Variants in DARS1 observed in about 807,000 individuals in gnomAD.
DARS1 encodes aspartate--tRNA ligase, cytoplasmic.
A neutral mutation model predicts 68.8 loss-of-function variants in DARS1; 51 were observed. The observed-to-expected ratio is 0.74, with a 90% CI of 0.59 to 0.94. DARS1 has a LOEUF of 0.94. Among genes scored for constraint, DARS1 ranks in the 40% least tolerant of loss-of-function variants. The probability of loss-of-function intolerance (pLI) is 0.00; values close to 1 mark genes in which losing one functional copy is unlikely to be tolerated. For missense variants in DARS1, 607 were observed against 597.3 expected (o/e 1.02, Z -0.17); for synonymous variants, 203 against 190.4 (o/e 1.07, Z -0.55).
At chr2:135,943,975 C>T (rs1281532102) in intron 4 of DARS1, among the ~76,000 whole-genome samples, 1 of 152,074 alleles carries the variant, frequency 6.6e-6, no homozygotes, top group Non-Finnish European at 1.5e-5. Flanking sequence ...TCCTCACTAC[C>T]TTTAGCTTCT....
chr2:135,985,135 C>G (rs1057371885), intron 1 of DARS1: 7 of 517,784 alleles, frequency 1.4e-5, no homozygotes, highest in African/African-American at 1.9e-5. Context: ...CTCCTACTTC[C>G]GGGGCGGCTG....
At chr2:135,910,946 T>G in intron 15 of DARS1, 193 bp downstream of exon 15, 1 of 487,666 alleles carries the variant, frequency 2.1e-6, no homozygotes, top group Non-Finnish European at 3.7e-6. Context: ...GGCTTCTAAA[T>G]TCTTAAGAGA....
intron 3 of DARS1, among the ~76,000 whole-genome samples, chr2:135,966,661 A>C (rs1020844684): frequency 3.9e-5 from 6 of 152,148 alleles, no homozygotes; most frequent in African/African-American, 1.4e-4. Flanking sequence ...TCTCTCGAGT[A>C]GCTGGGATTA....
At chr2:135,956,578 C>G (rs1364391360) in intron 4 of DARS1, among the ~76,000 whole-genome samples, 1 of 151,998 alleles carries the variant, frequency 6.6e-6, no homozygotes, top group Non-Finnish European at 1.5e-5. Flanking sequence ...GTAAAAAAGT[C>G]GAGGCTTACC....
rs1345901201 is a variant in DARS1, at chr2:135,911,214, CAA to C, written c.1343-6_1343-5del. 10 of 1,415,582 alleles carry C rather than the reference CAA, an allele frequency of 7.1e-6. No individual in the cohort carries two copies. The highest frequency in any genetic ancestry group is 1.0e-5 in the Non-Finnish European group (10 of 1,001,936). 87.7% of individuals were successfully genotyped at this position (1,415,582 alleles called of 1,614,324 possible). ...TAAGCCTTAATTTTCTCCAAATCTGCAAAAAGACACAAAACAAAATATAATTT... is the reference window on the plus strand; with the variant it reads ...TAAGCCTTAATTTTCTCCAAATCTGCAAAGACACAAAACAAAATATAATTT... On this transcript the variant is annotated splice_polypyrimidine_tract_variant and splice_region_variant and intron_variant, in intron 14 of 15. Transcript: ENST00000264161.
In DARS1 at chr2:135,924,358, A is replaced by G. The variant is rs914857484; in HGVS notation, c.676+29T>C. ...TCTGGGGAGAGCAAATTTATTTTTA[A>G]AAATTAAGAGAAATATTTTGAAGCA... On this transcript the variant is annotated intron_variant, in intron 8 of 15. Transcript: ENST00000264161. 4 of 1,555,866 alleles carry G rather than the reference A, an allele frequency of 2.6e-6. No homozygotes were observed. The African/African-American group carries it at 5.6e-5, about 22-fold the overall frequency.
At chr2:135,963,823 G>A (rs931597812) in intron 3 of DARS1, among the ~76,000 whole-genome samples, 1 of 151,870 alleles carries the variant, frequency 6.6e-6, no homozygotes, top group Admixed American at 6.6e-5. Flanking sequence ...GGGACTACAA[G>A]TGCCTACCAC....
chr2:135,917,477 TA>T (rs1681030195), intron 10 of DARS1, among the ~76,000 whole-genome samples: 1 of 152,334 alleles, frequency 6.6e-6, no homozygotes, highest in South Asian at 2.1e-4. Context: ...ATTCTATTTT[TA>T]TTTTTTTTAA....
At chr2:135,985,650 G>A, upstream of DARS1, 1 of 1,416,092 alleles carries the variant, frequency 7.1e-7, no homozygotes, top group South Asian at 1.4e-5. Flanking sequence ...GCTATCTCGA[G>A]ATCCCGGAGC....
intron 5 of DARS1, among the ~76,000 whole-genome samples, chr2:135,940,244 G>A (rs1190122961): frequency 1.3e-5 from 2 of 152,082 alleles, no homozygotes; most frequent in South Asian, 2.1e-4. Context: ...GATGAACATC[G>A]ATGCAAAAAT....
chr2:135,968,658 CTTTTTTTTT>C (rs765797736), intron 3 of DARS1, among the ~76,000 whole-genome samples: 1 of 129,042 alleles, frequency 7.7e-6, no homozygotes, highest in East Asian at 2.2e-4. Flanking sequence ...GGGGATTCAG[CTTTTTTTTT>C]TTTTTTTTTT....
rs1041819036 is a variant in DARS1, at chr2:135,951,243, C to G, written c.321-7763G>C. On this transcript the variant is annotated intron_variant, in intron 4 of 15. Transcript: ENST00000264161. The stretch of plus-strand genomic sequence containing the variant: ...CCTTCTTCTTTGCTAAAGGGGCTAG[C>G]TTCACTCCTCTTTGGTGTCTACTCT... Among the ~76,000 whole-genome samples the G allele has an allele frequency of 4.6e-5, 7 of 152,214 alleles. No homozygotes were observed. In the South Asian group the frequency reaches 6.2e-4, roughly 14 times the overall value.
At chr2:135,948,784 C>T (rs919943563) in intron 4 of DARS1, among the ~76,000 whole-genome samples, 18 of 151,766 alleles carry the variant, frequency 1.2e-4, no homozygotes, top group African/African-American at 3.4e-4. Flanking sequence ...GGTAGAGAAT[C>T]GCTTTAACCT....
chr2:135,958,166 A>G (rs1230038517), intron 4 of DARS1, among the ~76,000 whole-genome samples: 2 of 152,242 alleles, frequency 1.3e-5, no homozygotes, highest in Non-Finnish European at 2.9e-5. Context: ...GTATCAGTCA[A>G]TCATTTTATA....
chr2:135,909,228 G>A (rs1024349878), intron 15 of DARS1, among the ~76,000 whole-genome samples: 1 of 152,038 alleles, frequency 6.6e-6, no homozygotes, highest in Non-Finnish European at 1.5e-5. Flanking sequence ...AGCCCCCATG[G>A]CACATGTTTA....
chr2:135,982,282 CAT>C (rs1279344796), intron 2 of DARS1, among the ~76,000 whole-genome samples: 3 of 152,048 alleles, frequency 2.0e-5, no homozygotes, highest in East Asian at 3.8e-4. Flanking sequence ...AGAGAAACAA[CAT>C]GAGTCAGGTC....
rs532404785 is a variant in DARS1, at chr2:135,984,903, A to G, written c.66+500T>C. ...CTTACCGGGTCACTGAGAGGGAGAA[A>G]GTAAATAAAAATGACATGTGTTCTT... On this transcript the variant is annotated intron_variant, in intron 1 of 15. Transcript: ENST00000264161. Among the ~76,000 whole-genome samples the G allele has an allele frequency of 4.6e-5, 7 of 152,330 alleles. No homozygotes were observed. In the East Asian group the frequency reaches 1.3e-3, roughly 29 times the overall value.
chr2:135,920,573 TGG>T lies in DARS1; in HGVS notation c.837_838del (p.His280Ter). ...ACCAACAAACTCAGTTAGATGTCTA[TGG>T]GTATTAGAGTCTTCCGCTCTGAATA... On this transcript the variant is annotated frameshift_variant, in exon 10 of 16. Coordinates refer to ENST00000264161, the MANE Select transcript of DARS1 (RefSeq NM_001349.4). LOFTEE classifies it high-confidence loss of function. The T allele has an allele frequency of 1.2e-6, 2 of 1,613,300 alleles. No homozygotes were observed. Among genetic ancestry groups the T allele is most frequent in the Non-Finnish European group, 1.7e-6 (2 of 1,179,710 alleles).
chr2:135,942,114 G>C (rs1463287412), intron 5 of DARS1, among the ~76,000 whole-genome samples: 1 of 152,110 alleles, frequency 6.6e-6, no homozygotes, highest in East Asian at 1.9e-4. Flanking sequence ...CAGGGATCTA[G>C]AACTAGAAAT....
Sources: allele counts gnomAD v4.1 joint callset (sites outside exome capture counted in the v4.1 genomes callset), GRCh38; gene constraint gnomAD v4.1.1; transcripts MANE v1.5; gene names NCBI Gene and HGNC (gene_info 2026-07-23, HGNC 2026-07-21).